The following OSBP variants were observed in gnomAD, a reference collection of about 807,000 sequenced individuals.
OSBP encodes the protein oxysterol binding protein.
In OSBP, 32 loss-of-function variants were observed where a neutral mutation model predicts 96.6. That is an observed-to-expected ratio of 0.33 (90% CI 0.25 to 0.45). OSBP has a LOEUF of 0.45. Among genes scored for constraint, OSBP ranks in the 20% least tolerant of loss-of-function variants. The pLI is 1.00. For missense variants in OSBP, 653 were observed against 1,029.7 expected (o/e 0.63, Z 5.01); for synonymous variants, 369 against 389.6 (o/e 0.95, Z 0.62).
intron 3 of OSBP, among the ~76,000 whole-genome samples, chr11:59,603,529 GTTTTTTTTTTTTT>G (rs370609645): frequency 1.2e-5 from 1 of 86,776 alleles, no homozygotes; most frequent in South Asian, 4.6e-4. Context: ...ATCACCTTCA[GTTTTTTTTTTTTT>G]TTTTTTTTTT....
At chr11:59,606,050 C>T (rs1860776371) in intron 3 of OSBP, among the ~76,000 whole-genome samples, 1 of 152,174 alleles carries the variant, frequency 6.6e-6, no homozygotes, top group African/African-American at 2.4e-5. Context: ...ATTTCCTAGT[C>T]TGAGCCAAAT....
chr11:59,593,813 C>A (rs1336822645), intron 8 of OSBP, 89 bp from the exon 9 acceptor site: 2 of 1,561,236 alleles, frequency 1.3e-6, no homozygotes, highest in African/African-American at 1.4e-5. Context: ...AAAATTCACA[C>A]TTGACGTTTT....
At position 59,574,656 on chromosome 11, in the gene OSBP, G is replaced by A. The variant is rs1264140112; in HGVS notation, c.*1921C>T. On this transcript the variant is annotated 3_prime_UTR_variant, in exon 14 of 14. Transcript: ENST00000263847. ...AATTCTCACTCTATCCAAAGCCCCG[G>A]ATGAGGTCACTGCTTTTATGAGCCT... 1.9e-5 allele frequency: 2 copies of A among 106,940 alleles called. No homozygotes were observed. Among genetic ancestry groups the A allele is most frequent in the African/African-American group, 7.6e-5 (2 of 26,376 alleles). The allele number at this position is 106,940 out of a possible 1,614,324, so 6.6% of individuals were successfully genotyped here. A position where few individuals can be genotyped will look rare whatever the true frequency, so the allele number is the denominator to read the frequency against.
intron 9 of OSBP, 151 bp from the exon 10 acceptor site, chr11:59,581,705 A>C: frequency 1.9e-6 from 1 of 518,192 alleles, no homozygotes. Context: ...CACTTTCTTA[A>C]ATGTTGGAAG....
rs574735434 is a variant in OSBP at position 59,580,004 on chromosome 11, G to A, written c.1878+170C>T. Among the ~76,000 whole-genome samples the A allele has an allele frequency of 1.2e-3, 186 of 152,064 alleles. 1 individual carries two copies. The highest frequency in any genetic ancestry group is 2.0e-3 in the Non-Finnish European group (136 of 67,982). On this transcript the variant is annotated intron_variant, in intron 11 of 13. Transcript: ENST00000263847. ...TGGGATTACAGCTGTGAGCCACCGC[G>A]CCCAGCCTTTCACCTCTACTTTTTT... is the stretch of plus-strand genomic sequence containing the variant.
chr11:59,615,536 G>C lies in OSBP; in HGVS notation c.129C>G (p.Ser43=). The change falls in exon 1 of 14, where the codon TCC becomes TCG. Residue 43 remains serine, a synonymous_variant. Transcript: ENST00000263847. ...GGGRGDAGPG[S]GAASGTVVAA... is the part of the protein sequence containing the mutation. ...CGACCACCGTCCCTGACGCGGCCCC[G>C]GAGCCTGGCCCCGCATCTCCGCGGC... 7.6e-7 allele frequency: 1 copy of C among 1,324,236 alleles called. No homozygotes were observed. The highest frequency in any genetic ancestry group is 3.1e-5 in the Admixed American group (1 of 32,270). The allele number at this position is 1,324,236 out of a possible 1,614,324, so 82.0% of individuals were successfully genotyped here. A position where few individuals can be genotyped will look rare whatever the true frequency, so the allele number is the denominator to read the frequency against.
chr11:59,615,742 C>G lies in OSBP; in HGVS notation c.-78G>C. On this transcript the variant is annotated 5_prime_UTR_variant, in exon 1 of 14. The change abolishes the stop of an existing upstream ORF in the 5' untranslated region. Coordinates refer to ENST00000263847, the MANE Select transcript of OSBP (RefSeq NM_002556.3). ...TCGCCGCCCGGAGCGCCCCACACGG[C>G]TACCGCATCAGCCACCGCCGCGCAG... 1.6e-6 allele frequency: 2 copies of G among 1,230,788 alleles called. No individual in the cohort carries two copies. The highest frequency in any genetic ancestry group is 2.0e-6 in the Non-Finnish European group (2 of 984,456). The allele number at this position is 1,230,788 out of a possible 1,614,324, so 76.2% of individuals were successfully genotyped here.
At chr11:59,601,023 T>A in intron 5 of OSBP, 150 bp from the exon 6 acceptor site, 1 of 702,118 alleles carries the variant, frequency 1.4e-6, no homozygotes, top group Non-Finnish European at 2.4e-6. Flanking sequence ...GGAATGAATT[T>A]AAGTATCTCT....
chr11:59,590,263 A>G (rs1399947681), intron 9 of OSBP, among the ~76,000 whole-genome samples: 1 of 152,096 alleles, frequency 6.6e-6, no homozygotes, highest in Non-Finnish European at 1.5e-5. Context: ...TAACCTTAAA[A>G]CTGCCTTATC....
chr11:59,599,728 A>T (rs1860696610), intron 7 of OSBP, among the ~76,000 whole-genome samples: 1 of 152,198 alleles, frequency 6.6e-6, no homozygotes, highest in Non-Finnish European at 1.5e-5. Flanking sequence ...GGCAAGTGTT[A>T]ATAGGGAACT....
chr11:59,579,048 C>T (rs1328556233), intron 11 of OSBP, among the ~76,000 whole-genome samples: 1 of 152,094 alleles, frequency 6.6e-6, no homozygotes, highest in African/African-American at 2.4e-5. Context: ...TGCTCTCTGT[C>T]CCCTCCCCTC....
At chr11:59,601,522 G>A in intron 4 of OSBP, 118 bp downstream of exon 4, 1 of 1,151,016 alleles carries the variant, frequency 8.7e-7, no homozygotes, top group Non-Finnish European at 1.3e-6. Context: ...TAAATCAATG[G>A]GTTCCAATTC....
chr11:59,584,832 GGAAA>G (rs1001861844), intron 9 of OSBP, among the ~76,000 whole-genome samples: 49 of 152,114 alleles, frequency 3.2e-4, no homozygotes, highest in African/African-American at 1.2e-3. Flanking sequence ...CATCCAAGAT[GGAAA>G]GAAAGAGATA....
At chr11:59,592,471 A>G (rs918694046) in intron 9 of OSBP, among the ~76,000 whole-genome samples, 3 of 152,228 alleles carry the variant, frequency 2.0e-5, no homozygotes, top group Non-Finnish European at 4.4e-5. Flanking sequence ...ATACCTCGTG[A>G]AAGACTAGAA....
Position 59,578,341 on chromosome 11 carries a change from G to A in OSBP, c.1879-11C>T, listed in dbSNP as rs371421946. 2.4e-5 allele frequency: 38 copies of A among 1,612,768 alleles called. No homozygotes were observed. Among genetic ancestry groups the A allele is most frequent in the Non-Finnish European group, 3.4e-6 (4 of 1,179,146 alleles). On this transcript the variant is annotated splice_polypyrimidine_tract_variant and intron_variant, in intron 11 of 13. Coordinates refer to ENST00000263847, the MANE Select transcript of OSBP (RefSeq NM_002556.3). The stretch of plus-strand genomic sequence containing the variant: ...CACTTCCCCCGTCACCTGCAAGGGT[G>A]GAGAACAGGGCTTGGCTATATAGAA...
chr11:59,588,629 CA>C (rs1565116047), intron 9 of OSBP, among the ~76,000 whole-genome samples: 1 of 151,904 alleles, frequency 6.6e-6, no homozygotes. Flanking sequence ...GATGGTTGCA[CA>C]ACATTATGTA....
chr11:59,590,457 AACCT>A (rs1860564192), intron 9 of OSBP, among the ~76,000 whole-genome samples: 1 of 152,186 alleles, frequency 6.6e-6, no homozygotes, highest in African/African-American at 2.4e-5. Flanking sequence ...CTGACAACCC[AACCT>A]ATCTATGCTT....
At chr11:59,615,228 CG>C in intron 1 of OSBP, 74 bp downstream of exon 1, 1 of 1,280,742 alleles carries the variant, frequency 7.8e-7, no homozygotes, top group Admixed American at 1.9e-5. Context: ...TGCCGGCTGG[CG>C]GTAATGCCGG....
intron 3 of OSBP, 59 bp from the exon 4 acceptor site, chr11:59,601,897 T>G: frequency 6.7e-7 from 1 of 1,493,458 alleles, no homozygotes; most frequent in South Asian, 1.2e-5. Flanking sequence ...CCCTCAGGCT[T>G]CTGCAAGCCC....
Sources: gnomAD v4.1 joint callset for allele counts (sites outside exome capture counted in the v4.1 genomes callset) on GRCh38, gnomAD v4.1.1 for gene constraint, MANE v1.5 for transcripts, NCBI Gene and HGNC (gene_info 2026-07-23, HGNC 2026-07-21) for gene names.